ANK3: variants seen among roughly 807,000 people sequenced by gnomAD.
The protein encoded by ANK3 is ankyrin-3.
ANK3 carries 57 observed loss-of-function variants against 370.9 expected under a neutral mutation model. The observed-to-expected ratio is 0.15, with a 90% CI of 0.12 to 0.19. The LOEUF (loss-of-function observed/expected upper bound fraction) is 0.19, where lower values mean the gene tolerates loss of function less well. ANK3 is among the 10% of genes least tolerant of loss of function. ANK3 has a pLI of 1.00. For synonymous variants in ANK3, 1,929 were observed against 1,946.3 expected, an observed-to-expected ratio of 0.99 and a Z score of 0.23; for missense variants, 4,439 against 5,302.1, an observed-to-expected ratio of 0.84 and a Z score of 5.06.
intron 43 of ANK3, among the ~76,000 whole-genome samples, chr10:60,038,549 G>A (rs2131853606): frequency 6.6e-6 from 1 of 152,242 alleles, no homozygotes; most frequent in Admixed American, 6.5e-5. Context: ...AGAATAAAGA[G>A]ATAACCTACA....
chr10:60,438,695 C>T (rs571478863), intron 2 of ANK3, among the ~76,000 whole-genome samples: 5 of 152,142 alleles, frequency 3.3e-5, no homozygotes, highest in African/African-American at 9.7e-5. Context: ...GAGCCTTGAG[C>T]GGCCAGCAGT....
Position 60,404,866 on chromosome 10 carries a change from A to C in ANK3, c.97-125227T>G, listed in dbSNP as rs193103210. Among the ~76,000 whole-genome samples the C allele has an allele frequency of 2.9e-3, 438 of 152,286 alleles. 2 individuals carry two copies. Among genetic ancestry groups the C allele is most frequent in the African/African-American group, 1.0e-2 (415 of 41,574 alleles). On this transcript the variant is annotated intron_variant, in intron 2 of 43. Coordinates refer to the ANK3 transcript ENST00000373827. ...ATATAAGTGACTCCAACAAATCAAA[A>C]CAAAAAGATAAAAAACACAGTTAAA... is the stretch of plus-strand genomic sequence containing the variant.
In ANK3 at chr10:60,055,983, T is replaced by C. The variant is rs995936040; in HGVS notation, c.12740A>G (p.Lys4247Arg). The change falls in exon 42 of 44, where the codon AAA becomes AGA. Residue 4247 changes from lysine (K) to arginine (R), a missense_variant. By Grantham distance (26) the Lys-to-Arg change is conservative. Transcript: ENST00000280772. ...TGTATGGCTTCCATTTGCTTCAAAT[T>C]TGCCAGCTTCTCCTTTGAGATATGA... The part of the protein sequence containing the change: ...ITSYLKGEAG[K>R]FEANGSHTEI... The C allele has an allele frequency of 6.2e-6, 10 of 1,613,812 alleles. No individual in the cohort carries two copies. The African/African-American group carries it at 1.3e-4, about 22-fold the overall frequency.
At chr10:60,326,186 T>G (rs1420694081) in intron 1 of ANK3, among the ~76,000 whole-genome samples, 1 of 152,126 alleles carries the variant, frequency 6.6e-6, no homozygotes, top group African/African-American at 2.4e-5. Context: ...GTACTAGGTT[T>G]AATACCTGGG....
intron 2 of ANK3, among the ~76,000 whole-genome samples, chr10:60,564,980 TAAAA>T (rs554263506): frequency 1.5e-3 from 226 of 152,212 alleles, no homozygotes; most frequent in African/African-American, 5.2e-3. Flanking sequence ...ATTTGCCCCT[TAAAA>T]AATAATCACT....
intron 25 of ANK3, among the ~76,000 whole-genome samples, chr10:60,121,297 T>C (rs1470203287): frequency 6.8e-6 from 1 of 147,688 alleles, no homozygotes; most frequent in African/African-American, 2.5e-5. Flanking sequence ...AGATCGAAAG[T>C]AGAAAAATTG....
At chr10:60,538,441 C>T (rs1018699018) in intron 2 of ANK3, among the ~76,000 whole-genome samples, 2 of 151,882 alleles carry the variant, frequency 1.3e-5, no homozygotes, top group Non-Finnish European at 2.9e-5. Flanking sequence ...CTTATTAATT[C>T]TCTCTGCCTG....
chr10:60,382,069 G>T (rs1014247438), intron 1 of ANK3, among the ~76,000 whole-genome samples: 1 of 152,124 alleles, frequency 6.6e-6, no homozygotes, highest in South Asian at 2.1e-4. Flanking sequence ...TAGGGTAAAA[G>T]AATGCTATTC....
intron 1 of ANK3, among the ~76,000 whole-genome samples, chr10:60,638,558 CAG>C (rs2078586148): frequency 6.6e-6 from 1 of 151,506 alleles, no homozygotes; most frequent in Non-Finnish European, 1.5e-5. Context: ...TCCATCAAAA[CAG>C]AAACAGAAAT....
In ANK3 at chr10:60,163,293, T is replaced by C. The variant is rs1029781015; in HGVS notation, c.2614+3298A>G. ...AGGTATTTTCTGGAACAGGAGACAGTAGAGCAGTAAGGTATCTACAAATGC... is the reference window on the plus strand; with the variant it reads ...AGGTATTTTCTGGAACAGGAGACAGCAGAGCAGTAAGGTATCTACAAATGC... On this transcript the variant is annotated intron_variant, in intron 23 of 43. Coordinates refer to ENST00000280772, the MANE Select transcript of ANK3 (RefSeq NM_020987.5). 4.6e-5 allele frequency among the ~76,000 whole-genome samples: 7 copies of C among 152,342 alleles called. No individual in the cohort carries two copies. In the East Asian group the frequency reaches 1.3e-3, roughly 29 times the overall value.
intron 2 of ANK3, among the ~76,000 whole-genome samples, chr10:60,554,681 T>G (rs1232278991): frequency 1.3e-5 from 2 of 152,166 alleles, no homozygotes; most frequent in African/African-American, 4.8e-5. Context: ...CAAAGAGAAT[T>G]TTCTTCTATT....
chr10:60,675,072 A>C (rs1417144549), intron 1 of ANK3, among the ~76,000 whole-genome samples: 3 of 152,238 alleles, frequency 2.0e-5, no homozygotes, highest in Non-Finnish European at 4.4e-5. Flanking sequence ...TTGTTTGTGG[A>C]ATTTTTAAAT....
At chr10:60,407,926 C>T (rs1405158330) in intron 2 of ANK3, among the ~76,000 whole-genome samples, 1 of 152,198 alleles carries the variant, frequency 6.6e-6, no homozygotes, top group Non-Finnish European at 1.5e-5. Flanking sequence ...TGAGGAAGCT[C>T]ACACCTTAGC....
At chr10:60,355,679 T>A (rs1156702135) in intron 1 of ANK3, among the ~76,000 whole-genome samples, 2 of 152,204 alleles carry the variant, frequency 1.3e-5, no homozygotes, top group African/African-American at 4.8e-5. Flanking sequence ...ACGGTCATAG[T>A]GCAATATTCC....
intron 1 of ANK3, among the ~76,000 whole-genome samples, chr10:60,716,135 A>G (rs1393753526): frequency 6.6e-6 from 1 of 152,170 alleles, no homozygotes; most frequent in Non-Finnish European, 1.5e-5. Flanking sequence ...ATTGAGAATC[A>G]TTAATACTAT....
intron 1 of ANK3, among the ~76,000 whole-genome samples, chr10:60,298,969 A>G (rs759895588): frequency 2.0e-5 from 3 of 152,202 alleles, no homozygotes; most frequent in Non-Finnish European, 4.4e-5. Flanking sequence ...TTAACAGTAC[A>G]GTTTGAAAGT....
chr10:60,038,897 C>T (rs540814053), intron 43 of ANK3, among the ~76,000 whole-genome samples: 314 of 152,184 alleles, frequency 2.1e-3, no homozygotes, highest in African/African-American at 7.1e-3. Flanking sequence ...GCTTGGGGTC[C>T]TCTTCTTCTC....
In ANK3 at chr10:60,510,488, T is replaced by C. The variant is rs1369489500; in HGVS notation, c.96+104698A>G. Among the ~76,000 whole-genome samples the C allele has an allele frequency of 3.9e-5, 6 of 152,142 alleles. No individual in the cohort carries two copies. In the East Asian group the frequency reaches 9.6e-4, roughly 24 times the overall value. ...AGCAAATATCCTCTTTAAAATATAG[T>C]GTAATTCTTATTTTACAGATAAACA... On this transcript the variant is annotated intron_variant, in intron 2 of 43. Coordinates refer to the ANK3 transcript ENST00000373827.
intron 1 of ANK3, among the ~76,000 whole-genome samples, chr10:60,385,710 G>A (rs571032397): frequency 2.3e-4 from 35 of 152,184 alleles, no homozygotes; most frequent in Admixed American, 6.5e-4. Flanking sequence ...TGTGTCAGGC[G>A]CATGTATAGA....
Sources: allele counts gnomAD v4.1 joint callset (sites outside exome capture counted in the v4.1 genomes callset), GRCh38; gene constraint gnomAD v4.1.1; transcripts MANE v1.5; gene names NCBI Gene and HGNC (gene_info 2026-07-23, HGNC 2026-07-21).